The following FANCA variants were observed in gnomAD, a reference collection of about 807,000 sequenced individuals.
FANCA encodes Fanconi anemia group A protein.
Under a neutral mutation model 194.3 loss-of-function variants are expected in FANCA, and 236 were observed. The observed-to-expected ratio is 1.21, with a 90% CI of 1.09 to 1.35. The LOEUF is 1.35. Ranked by LOEUF, FANCA falls within the 40% of genes most tolerant of loss-of-function variation. FANCA has a pLI of 0.00. For missense variants in FANCA, 2,628 were observed against 1,813.9 expected (o/e 1.45, Z -8.15); for synonymous variants, 1,014 against 715.8 (o/e 1.42, Z -6.65).
chr16:89,746,858 T>C lies in FANCA; in HGVS notation c.3381A>G (p.Thr1127=), dbSNP rs946344673. Residue 1127 remains threonine (T), a synonymous_variant, in exon 34 of 43, where the codon ACA becomes ACG. Coordinates refer to ENST00000389301, the MANE Select transcript of FANCA (RefSeq NM_000135.4). ...TGAAGAAGTGGGCAGTGATGTCCTGTGTCAGGGCACCTCCGTGGGAGCAGA... is the reference window on the plus strand; with the variant it reads ...TGAAGAAGTGGGCAGTGATGTCCTGCGTCAGGGCACCTCCGTGGGAGCAGA... ...RNFCSHGGAL[T]QDITAHFFRG... 104 of 1,562,332 alleles carry C rather than the reference T, an allele frequency of 6.7e-5. No homozygotes were observed. Among genetic ancestry groups the C allele is most frequent in the Non-Finnish European group, 8.8e-5 (101 of 1,152,302 alleles).
rs33938852 is a variant in FANCA at position 89,799,919 on chromosome 16, G to A, written c.793-281C>T. 0.014 allele frequency among the ~76,000 whole-genome samples: 2,153 copies of A among 152,270 alleles called. 46 individuals carry two copies. Among genetic ancestry groups the A allele is most frequent in the South Asian group, 0.094 (453 of 4,810 alleles). ...TGAGGCAGGAGAATGGCGTGAACCC[G>A]GGAGGCAGAGCTTCCAGTGAGCTGA... On this transcript the variant is annotated intron_variant, in intron 8 of 42. Coordinates refer to ENST00000389301, the MANE Select transcript of FANCA (RefSeq NM_000135.4).
At chr16:89,795,732 G>A (rs907152659) in intron 11 of FANCA, among the ~76,000 whole-genome samples, 174 bp downstream of exon 11, 1 of 152,148 alleles carries the variant, frequency 6.6e-6, no homozygotes, top group Non-Finnish European at 1.5e-5. Flanking sequence ...TTGCTTTCAG[G>A]TAAAAGGATA....
At chr16:89,794,960 G>T (rs1206327178) in intron 11 of FANCA, among the ~76,000 whole-genome samples, 1 of 152,162 alleles carries the variant, frequency 6.6e-6, no homozygotes, top group Non-Finnish European at 1.5e-5. Context: ...TCCAGAAGGA[G>T]AATGTGCATG....
intron 18 of FANCA, among the ~76,000 whole-genome samples, chr16:89,779,342 A>G (rs1485463109): frequency 6.6e-6 from 1 of 152,214 alleles, no homozygotes; most frequent in East Asian, 1.9e-4. Flanking sequence ...CAATCAGCTC[A>G]TCCACATGTG....
chr16:89,780,394 G>A (rs1313095534), intron 17 of FANCA, among the ~76,000 whole-genome samples: 1 of 152,102 alleles, frequency 6.6e-6, no homozygotes. Context: ...GGCTAAGCGG[G>A]GCAGACTGCT....
chr16:89,759,315 G>A (rs189027224), intron 29 of FANCA, among the ~76,000 whole-genome samples: 523 of 24,836 alleles, frequency 0.021, 9 homozygotes, highest in African/African-American at 0.065. Context: ...GCGAGACTCC[G>A]TCTAAAAAAA....
At position 89,740,837 on chromosome 16, in the gene FANCA, C is replaced by T. The variant is rs1010989878; in HGVS notation, c.3795G>A (p.Leu1265=). 4.3e-6 allele frequency: 7 copies of T among 1,613,522 alleles called. No homozygotes were observed. The highest frequency in any genetic ancestry group is 5.1e-6 in the Non-Finnish European group (6 of 1,179,736). Residue 1265 remains leucine, a synonymous_variant, in exon 38 of 43, where the codon TTG becomes TTA. Transcript: ENST00000389301. ...ELLVFLFFFS[L]MGLLSSHLTS... ...TCAGATGTGACGACAGCAGGCCCAT[C>T]AAGGAGAAGAAGAAAAGGAAAACCA...
chr16:89,814,793 T>C (rs1465186171), intron 2 of FANCA, among the ~76,000 whole-genome samples, 180 bp from the exon 3 acceptor site: 1 of 151,360 alleles, frequency 6.6e-6, no homozygotes, highest in African/African-American at 2.4e-5. Flanking sequence ...ATACAAAAAT[T>C]AGGAGGGCAT....
At chr16:89,739,018 A>C (rs769897335) in intron 41 of FANCA, 44 bp from the exon 42 acceptor site, 3 of 1,614,078 alleles carry the variant, frequency 1.9e-6, no homozygotes, top group Admixed American at 3.3e-5. Flanking sequence ...AGACATACAG[A>C]AACAGGGCTG....
intron 11 of FANCA, among the ~76,000 whole-genome samples, chr16:89,794,382 T>A (rs1422430327): frequency 6.6e-6 from 1 of 151,926 alleles, no homozygotes; most frequent in African/African-American, 2.4e-5. Context: ...AAACCCTGTC[T>A]CTACTCAAAA....
chr16:89,783,247 C>T (rs1032497152), intron 15 of FANCA, 145 bp from the exon 16 acceptor site: 4 of 714,614 alleles, frequency 5.6e-6, no homozygotes, highest in Admixed American at 2.0e-5. Flanking sequence ...GCAAAGCAAA[C>T]CATTAGTAAA....
chr16:89,748,039 G>A (rs2038450906), intron 33 of FANCA, among the ~76,000 whole-genome samples: 1 of 152,216 alleles, frequency 6.6e-6, no homozygotes, highest in Admixed American at 6.5e-5. Flanking sequence ...AGCCTCTCAA[G>A]TAGGTGGGAG....
At chr16:89,748,490 G>A (rs935399593) in intron 33 of FANCA, among the ~76,000 whole-genome samples, 169 bp downstream of exon 33, 1 of 152,234 alleles carries the variant, frequency 6.6e-6, no homozygotes, top group Non-Finnish European at 1.5e-5. Context: ...CGTCCTGGCT[G>A]TGGGTGGGGT....
At chr16:89,788,076 T>G (rs1381822369) in intron 14 of FANCA, among the ~76,000 whole-genome samples, 2 of 152,120 alleles carry the variant, frequency 1.3e-5, no homozygotes, top group Non-Finnish European at 2.9e-5. Context: ...TTTTGCCACG[T>G]TGCCCAGGGT....
At chr16:89,761,420 GAAAAA>G (rs56659330) in intron 29 of FANCA, among the ~76,000 whole-genome samples, 3 of 95,720 alleles carry the variant, frequency 3.1e-5, no homozygotes, top group Non-Finnish European at 6.6e-5. Flanking sequence ...CTCTGTCTCA[GAAAAA>G]AAAAAAAAAA....
chr16:89,806,879 G>A (rs564456337), intron 6 of FANCA, among the ~76,000 whole-genome samples: 9 of 152,144 alleles, frequency 5.9e-5, no homozygotes, highest in East Asian at 3.9e-4. Context: ...CCTCCCAGAC[G>A]GGGTGGTGGC....
At chr16:89,805,057 T>C (rs2040587139) in intron 7 of FANCA, among the ~76,000 whole-genome samples, 2 of 152,022 alleles carry the variant, frequency 1.3e-5, no homozygotes, top group Admixed American at 6.6e-5. Context: ...GAAAGGTGAA[T>C]GGAAACACTT....
chr16:89,811,735 T>C (rs1490452332), intron 3 of FANCA, among the ~76,000 whole-genome samples: 1 of 151,648 alleles, frequency 6.6e-6, no homozygotes, highest in Non-Finnish European at 1.5e-5. Flanking sequence ...AATTTTTTTT[T>C]GTTTTATTTT....
intron 27 of FANCA, among the ~76,000 whole-genome samples, chr16:89,766,925 A>C (rs904482812): frequency 2.0e-5 from 3 of 152,182 alleles, no homozygotes; most frequent in Non-Finnish European, 4.4e-5. Context: ...GAACACAAGG[A>C]AAGGCAGCAC....
Sources: allele counts gnomAD v4.1 joint callset (sites outside exome capture counted in the v4.1 genomes callset), GRCh38; gene constraint gnomAD v4.1.1; transcripts MANE v1.5; gene names NCBI Gene and HGNC (gene_info 2026-07-23, HGNC 2026-07-21).